AK7: variants seen among roughly 807,000 people sequenced by gnomAD.
The protein encoded by AK7 is ATP-AMP transphosphorylase 7.
In AK7, 78 loss-of-function variants were observed where a neutral mutation model predicts 96.6. That is an observed-to-expected ratio of 0.81 (90% confidence interval 0.67 to 0.97). The LOEUF is 0.97. AK7 is among the 50% of genes least tolerant of loss of function. The pLI is 0.00. For missense variants in AK7, 855 were observed against 887.9 expected (o/e 0.96, Z 0.47); for synonymous variants, 302 against 317.2 (o/e 0.95, Z 0.51).
At chr14:96,400,583 A>T (rs1334503591) in intron 2 of AK7, among the ~76,000 whole-genome samples, 3 of 152,116 alleles carry the variant, frequency 2.0e-5, no homozygotes, top group Non-Finnish European at 4.4e-5. Context: ...TCCTTGAGGG[A>T]TGACTTTATC....
chr14:96,475,367 A>C (rs148741441), intron 14 of AK7, among the ~76,000 whole-genome samples: 129 of 152,324 alleles, frequency 8.5e-4, no homozygotes, highest in African/African-American at 3.1e-3. Flanking sequence ...GTCAGGCGGC[A>C]GAAGCAAGAA....
At chr14:96,481,823 G>A (rs891340897) in intron 15 of AK7, among the ~76,000 whole-genome samples, 1 of 150,010 alleles carries the variant, frequency 6.7e-6, no homozygotes, top group South Asian at 2.1e-4. Flanking sequence ...TCCTGCCTAA[G>A]CCTCCCAAGT....
At chr14:96,415,626 G>T (rs1891283214) in intron 4 of AK7, among the ~76,000 whole-genome samples, 1 of 151,740 alleles carries the variant, frequency 6.6e-6, no homozygotes, top group African/African-American at 2.4e-5. Context: ...TTTGAGTTTG[G>T]TTTTCTGTTG....
In AK7 at chr14:96,454,530, T is replaced by A. The variant is rs561909775; in HGVS notation, c.1099-1817T>A. ...TGTTGCTCTGTTGCCCAGGTTGGAG[T>A]GCAGTGGTAGGACCACGACTCACTG... On this transcript the variant is annotated intron_variant, in intron 10 of 17. Coordinates refer to ENST00000267584, the MANE Select transcript of AK7 (RefSeq NM_152327.5). Among the ~76,000 whole-genome samples the A allele has an allele frequency of 1.6e-4, 25 of 151,994 alleles. No individual in the cohort carries two copies. The East Asian group carries it at 4.8e-3, about 29-fold the overall frequency.
chr14:96,451,415 T>C lies in AK7; in HGVS notation c.949-6T>C. 1 of 1,558,388 alleles carries C rather than the reference T, an allele frequency of 6.4e-7. No individual in the cohort carries two copies. The highest frequency in any genetic ancestry group is 8.7e-7 in the Non-Finnish European group (1 of 1,148,570). On this transcript the variant is annotated splice_region_variant and splice_polypyrimidine_tract_variant and intron_variant, in intron 9 of 17. Coordinates refer to ENST00000267584, the MANE Select transcript of AK7 (RefSeq NM_152327.5). ...GACAAATCTCTAATTGTCCTCTATC[T>C]TTCAGCAAGATTGTCTTGACCATTT... is the stretch of plus-strand genomic sequence containing the variant.
chr14:96,404,882 C>G lies in AK7; in HGVS notation c.403+17C>G, dbSNP rs1049247613. 2 of 1,558,864 alleles carry G rather than the reference C, an allele frequency of 1.3e-6. No individual in the cohort carries two copies. Among genetic ancestry groups the G allele is most frequent in the African/African-American group, 2.7e-5 (2 of 73,918 alleles). Reference sequence around the variant, plus strand: ...CAGTCTCTGGTCAGTGAGGTGTACTCTTTTATCTCCAGGGATGCTATTGTA... The same window carrying G: ...CAGTCTCTGGTCAGTGAGGTGTACTGTTTTATCTCCAGGGATGCTATTGTA... On this transcript the variant is annotated intron_variant, in intron 3 of 17. Coordinates refer to ENST00000267584, the MANE Select transcript of AK7 (RefSeq NM_152327.5).
chr14:96,393,304 C>T (rs1181890766), intron 1 of AK7, among the ~76,000 whole-genome samples: 1 of 152,188 alleles, frequency 6.6e-6, no homozygotes, highest in Non-Finnish European at 1.5e-5. Flanking sequence ...ACTGCACTTT[C>T]GAACAGGACA....
Position 96,442,717 on chromosome 14 carries a change from T to C in AK7, c.691-13T>C. On this transcript the variant is annotated splice_polypyrimidine_tract_variant and intron_variant, in intron 6 of 17. Transcript: ENST00000267584. The stretch of plus-strand genomic sequence containing the variant: ...ATAACTGGGGGACATGATTTTGCTT[T>C]TCTTCCTTTCAGATGGCTTGGTTGG... 1 of 1,612,726 alleles carries C rather than the reference T, an allele frequency of 6.2e-7. No homozygotes were observed.
In AK7 at chr14:96,404,118, T is replaced by C. The variant is rs560946780; in HGVS notation, c.295-639T>C. 2.3e-3 allele frequency among the ~76,000 whole-genome samples: 306 copies of C among 134,038 alleles called. 1 individual carries two copies. The highest frequency in any genetic ancestry group is 4.0e-3 in the Non-Finnish European group (260 of 65,716). The allele number at this position is 134,038 out of a possible 152,430, so 87.9% of individuals were successfully genotyped here. Reference sequence around the variant, plus strand: ...GAGATCACGCCACTGCACTCCAGCCTGGGCAAAACAGAGTGAAACTGTGTC... The same window carrying C: ...GAGATCACGCCACTGCACTCCAGCCCGGGCAAAACAGAGTGAAACTGTGTC... On this transcript the variant is annotated intron_variant, in intron 2 of 17. Coordinates refer to ENST00000267584, the MANE Select transcript of AK7 (RefSeq NM_152327.5).
intron 4 of AK7, among the ~76,000 whole-genome samples, chr14:96,417,440 T>G (rs1285924723): frequency 1.3e-5 from 2 of 152,224 alleles, no homozygotes; most frequent in African/African-American, 4.8e-5. Context: ...GTGCAATATG[T>G]ATTCACTAGG....
intron 1 of AK7, among the ~76,000 whole-genome samples, chr14:96,396,605 C>T (rs962021823): frequency 6.6e-6 from 1 of 152,164 alleles, no homozygotes; most frequent in African/African-American, 2.4e-5. Flanking sequence ...GTGGGACTTT[C>T]TGTTTATTTG....
chr14:96,449,052 C>T (rs934709328), intron 8 of AK7, among the ~76,000 whole-genome samples: 2 of 152,106 alleles, frequency 1.3e-5, no homozygotes, highest in African/African-American at 4.8e-5. Flanking sequence ...TCACCTTCTC[C>T]GTGCGTCCTC....
At chr14:96,437,340 A>AT (rs1331733945) in intron 5 of AK7, among the ~76,000 whole-genome samples, 2 of 152,080 alleles carry the variant, frequency 1.3e-5, no homozygotes, top group Non-Finnish European at 2.9e-5. Context: ...CTATATACTT[A>AT]TTATGTACCC....
intron 5 of AK7, among the ~76,000 whole-genome samples, chr14:96,435,759 T>A (rs1485701482): frequency 6.6e-6 from 1 of 152,174 alleles, no homozygotes; most frequent in East Asian, 1.9e-4. Flanking sequence ...GTTTGAATGC[T>A]CCTTCCATGG....
chr14:96,401,191 C>G (rs531167934), intron 2 of AK7, among the ~76,000 whole-genome samples: 1 of 152,196 alleles, frequency 6.6e-6, no homozygotes, highest in African/African-American at 2.4e-5. Flanking sequence ...GTGGAGCTCA[C>G]GGCTTGGCAG....
At chr14:96,393,594 A>G (rs951284091) in intron 1 of AK7, among the ~76,000 whole-genome samples, 31 of 152,126 alleles carry the variant, frequency 2.0e-4, no homozygotes, top group Non-Finnish European at 2.9e-5. Context: ...CACCTTCTTC[A>G]CATGGTGTTC....
intron 5 of AK7, among the ~76,000 whole-genome samples, chr14:96,422,305 A>C (rs1347483679): frequency 2.6e-5 from 4 of 152,224 alleles, no homozygotes; most frequent in Admixed American, 6.5e-5. Context: ...TCCATAACCT[A>C]TGATTAGCAA....
intron 6 of AK7, among the ~76,000 whole-genome samples, chr14:96,439,596 G>A (rs1892842877): frequency 6.6e-6 from 1 of 151,390 alleles, no homozygotes; most frequent in South Asian, 2.1e-4. Flanking sequence ...CCGAGGAGGC[G>A]GAGCTTGCAG....
At chr14:96,426,701 T>C (rs1230005519) in intron 5 of AK7, among the ~76,000 whole-genome samples, 1 of 152,162 alleles carries the variant, frequency 6.6e-6, no homozygotes, top group African/African-American at 2.4e-5. Flanking sequence ...AAAGTTTTTT[T>C]CCCTCAGCAC....
Sources: allele counts gnomAD v4.1 joint callset (sites outside exome capture counted in the v4.1 genomes callset), GRCh38; gene constraint gnomAD v4.1.1; transcripts MANE v1.5; gene names NCBI Gene and HGNC (gene_info 2026-07-23, HGNC 2026-07-21).